SLC17A5: variants seen among roughly 807,000 people sequenced by gnomAD.
SLC17A5 encodes sialin.
SLC17A5 carries 47 observed loss-of-function variants against 59.4 expected under a neutral mutation model. That is an observed-to-expected ratio of 0.79 (90% CI 0.63 to 1.01). The LOEUF is 1.01. Among genes scored for constraint, SLC17A5 ranks in the 50% least tolerant of loss-of-function variants. SLC17A5 has a pLI of 0.00. For missense variants in SLC17A5, 522 were observed against 595.5 expected, an observed-to-expected ratio of 0.88 and a Z score of 1.28; for synonymous variants, 202 against 210.7, an observed-to-expected ratio of 0.96 and a Z score of 0.36.
intron 5 of SLC17A5, among the ~76,000 whole-genome samples, chr6:73,635,750 T>C (rs1768962179): frequency 6.6e-6 from 1 of 151,894 alleles, no homozygotes; most frequent in Non-Finnish European, 1.5e-5. Flanking sequence ...AACTTTTTTT[T>C]TTTTTTTTGA....
At chr6:73,595,332 T>C (rs968717916) in intron 10 of SLC17A5, 118 bp from the exon 11 acceptor site, 18 of 1,114,340 alleles carry the variant, frequency 1.6e-5, no homozygotes, top group Non-Finnish European at 2.4e-5. Context: ...AGCCTCATCC[T>C]TGAAACAACC....
At chr6:73,650,482 T>A (rs1581994831) in intron 1 of SLC17A5, among the ~76,000 whole-genome samples, 3 of 117,822 alleles carry the variant, frequency 2.5e-5, no homozygotes. Context: ...CAGTCCAGCC[T>A]GGGCGAAAGA....
intron 7 of SLC17A5, among the ~76,000 whole-genome samples, chr6:73,619,652 ATTTCT>A (rs10618095): frequency 0.16 from 24,539 of 152,018 alleles, 3,013 homozygotes; most frequent in African/African-American, 0.34. Context: ...CTCTATTCAC[ATTTCT>A]TTTTATTTTA....
chr6:73,620,596 G>T (rs1011247884), intron 7 of SLC17A5, among the ~76,000 whole-genome samples: 7 of 152,156 alleles, frequency 4.6e-5, no homozygotes, highest in African/African-American at 1.7e-4. Context: ...TTAAGGTTTG[G>T]TCCACATAGC....
rs201432976 is a variant in SLC17A5, at chr6:73,643,412, G to A, written c.291+995C>T. 1.7e-4 allele frequency among the ~76,000 whole-genome samples: 26 copies of A among 151,792 alleles called. No homozygotes were observed. In the East Asian group the frequency reaches 4.3e-3, roughly 25 times the overall value. ...CCTGACCTCGTGATCCATGTGCCTC[G>A]GCCTCCCAAAGTGCTGGGATTACAG... On this transcript the variant is annotated intron_variant, in intron 2 of 10. Transcript: ENST00000355773.
At chr6:73,643,477 TA>T (rs59764864) in intron 2 of SLC17A5, among the ~76,000 whole-genome samples, 32,425 of 150,998 alleles carry the variant, frequency 0.21, 3,624 homozygotes, top group Non-Finnish European at 0.25. Context: ...TATTATTTTT[TA>T]TTTATTTATT....
chr6:73,650,204 A>G (rs1769782443), intron 1 of SLC17A5, among the ~76,000 whole-genome samples: 1 of 57,942 alleles, frequency 1.7e-5, no homozygotes, highest in African/African-American at 4.1e-5. Context: ...CTACAAAAAA[A>G]AAAAAAAAAA....
At chr6:73,648,655 A>G (rs984985857) in intron 1 of SLC17A5, among the ~76,000 whole-genome samples, 10 of 152,206 alleles carry the variant, frequency 6.6e-5, no homozygotes, top group African/African-American at 2.4e-5. Flanking sequence ...CCTCCTTTTT[A>G]TCTGGAGAAA....
At position 73,644,508 on chromosome 6, in the gene SLC17A5, A is replaced by C. The variant is rs760727712; in HGVS notation, c.190T>G (p.Leu64Val). Residue 64 changes from leucine (L) to valine (V), a missense_variant, in exon 2 of 11, where the codon TTA (leucine) becomes GTA (valine). Coordinates refer to ENST00000355773, the MANE Select transcript of SLC17A5 (RefSeq NM_012434.5). ...YALRVNLSVA[L>V]VDMVDSNTTL... is the part of the protein sequence containing the mutation. ...GTATTTGAATCTACCATATCCACTA[A>C]CGCAACACTCAGATTCACACGTAAT... 11 of 1,613,956 alleles carry C rather than the reference A, an allele frequency of 6.8e-6. No individual in the cohort carries two copies. In the South Asian group the frequency reaches 1.1e-4, roughly 16 times the overall value.
At chr6:73,602,391 C>G (rs1057011917) in intron 9 of SLC17A5, among the ~76,000 whole-genome samples, 1 of 150,702 alleles carries the variant, frequency 6.6e-6, no homozygotes, top group African/African-American at 2.5e-5. Context: ...TGTCCTATGA[C>G]CCTGCCAAAT....
At chr6:73,633,043 A>G (rs1318458223) in intron 6 of SLC17A5, among the ~76,000 whole-genome samples, 1 of 152,130 alleles carries the variant, frequency 6.6e-6, no homozygotes, top group Non-Finnish European at 1.5e-5. Context: ...TTGGAGTGCA[A>G]TGGCTGATCA....
chr6:73,621,776 T>C (rs1561992616), intron 7 of SLC17A5, 28 bp downstream of exon 7: 1 of 1,539,164 alleles, frequency 6.5e-7, no homozygotes, highest in African/African-American at 1.4e-5. Context: ...ACTATATATA[T>C]AAGAAGCAGA....
chr6:73,598,384 A>C (rs1472204301), intron 10 of SLC17A5, among the ~76,000 whole-genome samples: 1 of 152,174 alleles, frequency 6.6e-6, no homozygotes, highest in East Asian at 1.9e-4. Context: ...ATATCCCAGC[A>C]CTTTGGGAGG....
chr6:73,651,231 C>T (rs1769843441), intron 1 of SLC17A5, among the ~76,000 whole-genome samples: 1 of 151,960 alleles, frequency 6.6e-6, no homozygotes, highest in South Asian at 2.1e-4. Context: ...GAGGCCAAGG[C>T]GGGTGGATCA....
At position 73,644,481 on chromosome 6, in the gene SLC17A5, T is replaced by C; in HGVS notation, c.217A>G (p.Thr73Ala). Residue 73 changes from threonine to alanine, a missense_variant, in exon 2 of 11, where the codon ACT becomes GCT. By Grantham distance (58) the Thr-to-Ala change is moderately conservative. Around this residue, in one of 3 missense-constraint regions of SLC17A5, gnomAD observed 338 missense variants for 363.8 expected, o/e 0.93. Coordinates refer to ENST00000355773, the MANE Select transcript of SLC17A5 (RefSeq NM_012434.5). ...ALVDMVDSNT[T>A]LEDNRTSKAC... ...TTGGAAGTTCTATTATCTTCTAAAG[T>C]TGTATTTGAATCTACCATATCCACT... 2 of 1,614,052 alleles carry C rather than the reference T, an allele frequency of 1.2e-6. No homozygotes were observed.
At position 73,600,380 on chromosome 6, in the gene SLC17A5, G is replaced by T. The variant is rs1272653027; in HGVS notation, c.1321C>A (p.Pro441Thr). The change falls in exon 10 of 11, where the codon CCC (proline) becomes ACC (threonine). Residue 441 changes from proline (P) to threonine (T), a missense_variant. Around this residue, in one of 3 missense-constraint regions of SLC17A5, gnomAD observed 153 missense variants for 168.5 expected, o/e 0.91. Transcript: ENST00000355773. ...TFATIPGMVG[P>T]VIAKSLTPDN... ...GGGGTCAGACTTTTAGCAATGACGG[G>T]CCCAACCATTCCTGGAATAGTGGCA... The T allele has an allele frequency of 6.2e-7, 1 of 1,613,980 alleles. No individual in the cohort carries two copies. The highest frequency in any genetic ancestry group is 8.5e-7 in the Non-Finnish European group (1 of 1,179,912).
At chr6:73,611,584 T>G (rs1767640145) in intron 8 of SLC17A5, among the ~76,000 whole-genome samples, 1 of 119,738 alleles carries the variant, frequency 8.4e-6, no homozygotes, top group African/African-American at 3.6e-5. Context: ...CGGCCTTGGT[T>G]TTTTTTTTTT....
intron 5 of SLC17A5, 73 bp from the exon 6 acceptor site, chr6:73,635,573 A>C (rs1768955388): frequency 1.3e-6 from 1 of 757,420 alleles, no homozygotes; most frequent in South Asian, 1.7e-5. Flanking sequence ...ACAAAAACAC[A>C]AAATTAGAAA....
Position 73,635,493 on chromosome 6 carries a change from A to G in SLC17A5, c.708T>C (p.Ile236=). 6.7e-7 allele frequency: 1 copy of G among 1,502,606 alleles called. No individual in the cohort carries two copies. The highest frequency in any genetic ancestry group is 9.2e-7 in the Non-Finnish European group (1 of 1,084,886). 93.1% of individuals were successfully genotyped at this position (1,502,606 alleles called of 1,614,324 possible). The change falls in exon 6 of 11, where the codon ATT becomes ATC. Residue 236 remains isoleucine, a synonymous_variant. Coordinates refer to ENST00000355773, the MANE Select transcript of SLC17A5 (RefSeq NM_012434.5). ...WTYVFYFFGT[I]GIFWFLLWIW... ...TCCACAAAAGAAACCAAAATATTCCAATAGTACCTTAAAATAGAAAAATAA... is the reference window on the plus strand; with the variant it reads ...TCCACAAAAGAAACCAAAATATTCCGATAGTACCTTAAAATAGAAAAATAA...
Sources: allele counts gnomAD v4.1 joint callset (sites outside exome capture counted in the v4.1 genomes callset), GRCh38; gene constraint gnomAD v4.1.1; regional missense constraint gnomAD v4.1.1; transcripts MANE v1.5; gene names NCBI Gene and HGNC (gene_info 2026-07-23, HGNC 2026-07-21).